Variants in CFTR observed in about 807,000 individuals in gnomAD.
CFTR encodes CF transmembrane conductance regulator, also known as cystic fibrosis transmembrane conductance regulator.
A neutral mutation model predicts 171.6 loss-of-function variants in CFTR; 181 were observed. The ratio of observed to expected loss-of-function variants is 1.05; its 90% CI spans 0.93 to 1.19. CFTR has a LOEUF of 1.19. Among genes scored for constraint, CFTR ranks in the 50% most tolerant of loss-of-function variants. CFTR has a pLI of 0.00. For missense variants in CFTR, 1,968 were observed against 1,734.7 expected (o/e 1.13, Z -2.39); for synonymous variants, 583 against 608.0 (o/e 0.96, Z 0.60).
At position 117,590,405 on chromosome 7, in the gene CFTR, C is replaced by G. The variant is rs979121392; in HGVS notation, c.1732C>G (p.Leu578Val). The G allele has an allele frequency of 1.9e-6, 3 of 1,602,788 alleles. No individual in the cohort carries two copies. The highest frequency in any genetic ancestry group is 1.3e-5 in the African/African-American group (1 of 74,626). Residue 578 changes from leucine (L) to valine (V), a missense_variant, in exon 13 of 27, where the codon CTA becomes GTA. Coordinates refer to ENST00000003084, the MANE Select transcript of CFTR (RefSeq NM_000492.4). ...TTTATTAGACTCTCCTTTTGGATAC[C>G]TAGATGTTTTAACAGAAAAAGAAAT... The part of the protein sequence containing the change: ...LYLLDSPFGY[L>V]DVLTEKEIFE...
intron 3 of CFTR, among the ~76,000 whole-genome samples, chr7:117,515,393 A>G (rs1584778824): frequency 6.6e-6 from 1 of 152,104 alleles, no homozygotes; most frequent in African/African-American, 2.4e-5. Context: ...TCCCACCACC[A>G]TTTACTGAAT....
intron 20 of CFTR, among the ~76,000 whole-genome samples, chr7:117,612,686 G>T (rs139002145): frequency 6.6e-6 from 1 of 152,224 alleles, no homozygotes; most frequent in African/African-American, 2.4e-5. Flanking sequence ...ATTTGCTGGA[G>T]TTACAGAAAG....
At chr7:117,602,962 C>A in intron 16 of CFTR, 99 bp downstream of exon 16, 1 of 1,120,608 alleles carries the variant, frequency 8.9e-7, no homozygotes, top group South Asian at 1.2e-5. Context: ...CACTTTGTTT[C>A]ATTTCTCCCA....
intron 11 of CFTR, among the ~76,000 whole-genome samples, chr7:117,584,080 C>T (rs1033223893): frequency 3.9e-5 from 6 of 151,964 alleles, no homozygotes; most frequent in South Asian, 2.1e-4. Context: ...AGTCCTTTAT[C>T]GGATGCATAG....
intron 1 of CFTR, among the ~76,000 whole-genome samples, chr7:117,482,938 A>G (rs1484273534): frequency 2.6e-5 from 4 of 152,218 alleles, no homozygotes; most frequent in African/African-American, 9.6e-5. Flanking sequence ...CCAAGTATAC[A>G]GTGCCACTGA....
chr7:117,659,734 C>T (rs1793237189), intron 24 of CFTR, among the ~76,000 whole-genome samples: 1 of 152,162 alleles, frequency 6.6e-6, no homozygotes, highest in Non-Finnish European at 1.5e-5. Context: ...CATCCTTACT[C>T]ATTGATAGTA....
rs528586180 is a variant in CFTR, at chr7:117,609,927, C to G, written c.2989-592C>G. ...AACAATTTTTAAAATTTTCATAGAGCCTATGAAAAATGTACTTGCAAATGG... is the reference window on the plus strand; with the variant it reads ...AACAATTTTTAAAATTTTCATAGAGGCTATGAAAAATGTACTTGCAAATGG... On this transcript the variant is annotated intron_variant, in intron 18 of 26. Coordinates refer to ENST00000003084, the MANE Select transcript of CFTR (RefSeq NM_000492.4). 2.6e-5 allele frequency among the ~76,000 whole-genome samples: 4 copies of G among 151,738 alleles called. No individual in the cohort carries two copies. The East Asian group carries it at 7.8e-4, about 29-fold the overall frequency.
In CFTR at chr7:117,603,575, A is replaced by G; in HGVS notation, c.2701A>G (p.Asn901Asp). ...DKGNSTHSRN[N>D]SYAVIITSTS... ...AGGGAATAGTACTCATAGTAGAAAT[A>G]ACAGCTATGCAGTGATTATCACCAG... Residue 901 changes from asparagine (N) to aspartate (D), a missense_variant, in exon 17 of 27, where the codon AAC becomes GAC. By Grantham distance (23) the Asn-to-Asp change is conservative (BLOSUM62 1). Coordinates refer to ENST00000003084, the MANE Select transcript of CFTR (RefSeq NM_000492.4). 6 of 1,613,648 alleles carry G rather than the reference A, an allele frequency of 3.7e-6. No individual in the cohort carries two copies. The highest frequency in any genetic ancestry group is 5.1e-6 in the Non-Finnish European group (6 of 1,179,588).
chr7:117,574,216 G>A (rs1791738005), intron 11 of CFTR, among the ~76,000 whole-genome samples: 1 of 151,940 alleles, frequency 6.6e-6, no homozygotes. Context: ...ATCAAATAGA[G>A]AAAGCCAAAC....
In CFTR at chr7:117,666,931, G is replaced by A. The variant is rs545385510; in HGVS notation, c.4266G>A (p.Arg1422=). ...AGGTCATAGAAGAGAACAAAGTGCGGCAGTACGATTCCATCCAGAAACTGC... is the reference window on the plus strand; with the variant it reads ...AGGTCATAGAAGAGAACAAAGTGCGACAGTACGATTCCATCCAGAAACTGC... The part of the protein sequence containing the change: ...QFLVIEENKV[R]QYDSIQKLLN... Residue 1422 remains arginine, a synonymous_variant, in exon 27 of 27, where the codon CGG becomes CGA. Transcript: ENST00000003084. 6 of 1,614,006 alleles carry A rather than the reference G, an allele frequency of 3.7e-6. No homozygotes were observed. The African/African-American group carries it at 8.0e-5, about 22-fold the overall frequency.
chr7:117,627,205 TGCTGCTC>T (rs1319090368), intron 21 of CFTR, among the ~76,000 whole-genome samples: 1 of 152,114 alleles, frequency 6.6e-6, no homozygotes, highest in African/African-American at 2.4e-5. Flanking sequence ...CATTGTGCAG[TGCTGCTC>T]ATAGTAGAAA....
chr7:117,620,277 G>A (rs1479416966), intron 21 of CFTR, among the ~76,000 whole-genome samples: 1 of 152,156 alleles, frequency 6.6e-6, no homozygotes, highest in Non-Finnish European at 1.5e-5. Flanking sequence ...GTGGCCTTGG[G>A]CAAGTCCTAG....
At chr7:117,493,685 T>C (rs1043910834) in intron 1 of CFTR, among the ~76,000 whole-genome samples, 4 of 152,118 alleles carry the variant, frequency 2.6e-5, no homozygotes, top group African/African-American at 9.7e-5. Flanking sequence ...GTCTACATAC[T>C]GCTCCCCAAA....
chr7:117,621,449 A>G (rs117001514), intron 21 of CFTR, among the ~76,000 whole-genome samples: 190 of 152,272 alleles, frequency 1.2e-3, no homozygotes, highest in Non-Finnish European at 1.9e-3. Context: ...ATGTAAACTA[A>G]TGGGAGTAGC....
chr7:117,638,711 G>A (rs180819295), intron 22 of CFTR, among the ~76,000 whole-genome samples: 99 of 150,756 alleles, frequency 6.6e-4, no homozygotes, highest in African/African-American at 2.3e-3. Flanking sequence ...ACTCCAGCCT[G>A]GGTGACAAGA....
intron 22 of CFTR, among the ~76,000 whole-genome samples, chr7:117,637,224 T>TTTG (rs539199767): frequency 7.3e-4 from 110 of 149,750 alleles, no homozygotes; most frequent in African/African-American, 2.6e-3. Flanking sequence ...CAAATGGTGT[T>TTTG]TTTTTTTTTT....
chr7:117,591,838 T>G, intron 13 of CFTR, 96 bp from the exon 14 acceptor site: 1 of 728,006 alleles, frequency 1.4e-6, no homozygotes, highest in Non-Finnish European at 2.2e-6. Flanking sequence ...TGATAGAGAT[T>G]ATATGCAATA....
At chr7:117,557,690 T>A (rs1799382974) in intron 10 of CFTR, among the ~76,000 whole-genome samples, 1 of 152,194 alleles carries the variant, frequency 6.6e-6, no homozygotes. Flanking sequence ...TTTTTGTTTC[T>A]TTGTTTGTAT....
intron 14 of CFTR, 78 bp from the exon 15 acceptor site, chr7:117,594,852 C>G (rs1176411633): frequency 8.6e-6 from 11 of 1,276,236 alleles, no homozygotes; most frequent in Non-Finnish European, 1.1e-5. Flanking sequence ...CTTTTATTTT[C>G]ATATATTAAA....
Sources: gnomAD v4.1 joint callset for allele counts (sites outside exome capture counted in the v4.1 genomes callset) on GRCh38, gnomAD v4.1.1 for gene constraint, MANE v1.5 for transcripts, NCBI Gene and HGNC (gene_info 2026-07-23, HGNC 2026-07-21) for gene names.